The following NUP153 variants were observed in gnomAD, a reference collection of about 807,000 sequenced individuals.
NUP153 encodes nuclear pore complex protein Nup153.
A neutral mutation model predicts 134.6 loss-of-function variants in NUP153; 27 were observed. The observed-to-expected ratio is 0.20, with a 90% CI of 0.15 to 0.28. The LOEUF (loss-of-function observed/expected upper bound fraction) is 0.28. NUP153 is among the 10% of genes least tolerant of loss of function. The pLI, the probability that NUP153 is intolerant of heterozygous loss-of-function variation, is 1.00. For synonymous variants in NUP153, 640 were observed against 623.5 expected, an observed-to-expected ratio of 1.03 and a Z score of -0.40; for missense variants, 1,821 against 1,731.3, an observed-to-expected ratio of 1.05 and a Z score of -0.92.
At chr6:17,700,923 T>C (rs577859597) in intron 1 of NUP153, among the ~76,000 whole-genome samples, 4 of 152,206 alleles carry the variant, frequency 2.6e-5, no homozygotes, top group Non-Finnish European at 4.4e-5. Flanking sequence ...AGAGGTTTCC[T>C]TCCCCTTTTT....
At chr6:17,620,792 C>G (rs1006191296) in intron 20 of NUP153, among the ~76,000 whole-genome samples, 1 of 152,014 alleles carries the variant, frequency 6.6e-6, no homozygotes, top group Non-Finnish European at 1.5e-5. Context: ...AAAGATAGGA[C>G]CCCCCTGGCC....
At chr6:17,636,921 G>A (rs960320142) in intron 16 of NUP153, among the ~76,000 whole-genome samples, 4 of 152,076 alleles carry the variant, frequency 2.6e-5, no homozygotes, top group Non-Finnish European at 4.4e-5. Context: ...TGATAAAACT[G>A]TACAAAAAGA....
chr6:17,622,907 G>A (rs1764718752), intron 20 of NUP153, among the ~76,000 whole-genome samples: 1 of 152,030 alleles, frequency 6.6e-6, no homozygotes, highest in Non-Finnish European at 1.5e-5. Flanking sequence ...GAGGTGGGTG[G>A]ATCATGAGGT....
chr6:17,660,819 T>C (rs1431827481), intron 11 of NUP153, among the ~76,000 whole-genome samples: 2 of 152,102 alleles, frequency 1.3e-5, no homozygotes, highest in Non-Finnish European at 1.5e-5. Flanking sequence ...CCTAGATAAA[T>C]ACTCTAGAGA....
chr6:17,702,569 G>A (rs1052880875), intron 1 of NUP153, among the ~76,000 whole-genome samples: 4 of 151,856 alleles, frequency 2.6e-5, no homozygotes, highest in African/African-American at 4.8e-5. Flanking sequence ...CCAGCTACTC[G>A]GGAGGCTGAG....
intron 1 of NUP153, among the ~76,000 whole-genome samples, chr6:17,689,654 A>T (rs1349267288): frequency 6.6e-6 from 1 of 150,706 alleles, no homozygotes; most frequent in East Asian, 2.0e-4. Flanking sequence ...CTCCTGCCTC[A>T]GCCTCCCAAT....
At chr6:17,674,166 A>C (rs1029375237) in intron 5 of NUP153, among the ~76,000 whole-genome samples, 1 of 152,192 alleles carries the variant, frequency 6.6e-6, no homozygotes, top group African/African-American at 2.4e-5. Context: ...AGAGGGTTGT[A>C]GGAGAAGGGT....
At chr6:17,657,633 A>G (rs1414277603) in intron 11 of NUP153, among the ~76,000 whole-genome samples, 2 of 152,182 alleles carry the variant, frequency 1.3e-5, no homozygotes, top group Non-Finnish European at 2.9e-5. Context: ...GGAAATGAGC[A>G]GTATCTATAC....
At chr6:17,647,415 A>C (rs6927877) in intron 13 of NUP153, among the ~76,000 whole-genome samples, 32,658 of 152,110 alleles carry the variant, frequency 0.21, 4,071 homozygotes, top group Non-Finnish European at 0.28. Flanking sequence ...CAGAAATAAA[A>C]CAGCAATTAA....
Position 17,637,451 on chromosome 6 carries a change from C to A in NUP153, c.2166G>T (p.Val722=). 1 of 1,614,234 alleles carries A rather than the reference C, an allele frequency of 6.2e-7. No individual in the cohort carries two copies. Among genetic ancestry groups the A allele is most frequent in the Non-Finnish European group, 8.5e-7 (1 of 1,180,040 alleles). Residue 722 remains valine, a synonymous_variant, in exon 16 of 22, where the codon GTG becomes GTT. Coordinates refer to ENST00000262077, the MANE Select transcript of NUP153 (RefSeq NM_005124.4). ...GTGFGDKFKP[V]IGTWDCDTCL... is the part of the protein sequence containing the mutation. ...AGGTATCACAATCCCAAGTGCCTAT[C>A]ACTGGTTTAAATTTGTCTCCAAAGC...
At chr6:17,674,110 T>C (rs558137897) in intron 5 of NUP153, among the ~76,000 whole-genome samples, 2 of 152,308 alleles carry the variant, frequency 1.3e-5, no homozygotes, top group Admixed American at 1.3e-4. Context: ...TATGACATTC[T>C]GGAAAGGCCA....
chr6:17,640,740 T>G (rs78074635), intron 14 of NUP153, among the ~76,000 whole-genome samples: 1,877 of 152,138 alleles, frequency 0.012, 40 homozygotes, highest in African/African-American at 0.042. Context: ...CCTTAGCCTC[T>G]CAAGTAGCCA....
chr6:17,669,768 C>T (rs1767783288), intron 5 of NUP153, among the ~76,000 whole-genome samples: 2 of 151,922 alleles, frequency 1.3e-5, no homozygotes, highest in African/African-American at 4.8e-5. Context: ...TTTACAATAA[C>T]AAAAGAATGA....
In NUP153 at chr6:17,675,087, G is replaced by A; in HGVS notation, c.724-54C>T. ...AGCCATATGAACCCAGGAGGTGGAG[G>A]TTGCAGTGAGTTAAGATCATGCTGC... On this transcript the variant is annotated intron_variant, in intron 4 of 21. Coordinates refer to ENST00000262077, the MANE Select transcript of NUP153 (RefSeq NM_005124.4). This position sits in a 1 kb window ranked among gnomAD's most constrained non-coding sequence, Gnocchi z 4.4. 1.3e-6 allele frequency: 2 copies of A among 1,597,316 alleles called. No individual in the cohort carries two copies. Among genetic ancestry groups the A allele is most frequent in the Non-Finnish European group, 1.7e-6 (2 of 1,168,638 alleles).
At position 17,629,120 on chromosome 6, in the gene NUP153, C is replaced by A; in HGVS notation, c.3079G>T (p.Gly1027Cys). 1.9e-6 allele frequency: 3 copies of A among 1,614,032 alleles called. No homozygotes were observed. Among genetic ancestry groups the A allele is most frequent in the Non-Finnish European group, 2.5e-6 (3 of 1,180,006 alleles). The change falls in exon 18 of 22, where the codon GGT (glycine) becomes TGT (cysteine). Residue 1027 changes from glycine (G) to cysteine (C), a missense_variant. Physicochemically the swap from Gly to Cys is radical, Grantham distance 159. Coordinates refer to ENST00000262077, the MANE Select transcript of NUP153 (RefSeq NM_005124.4). ...GGAGCAGGGGTGGAGTTAATAACACCTGTACCAAAGCTAAAACCTGCAGAG... is the reference window on the plus strand; with the variant it reads ...GGAGCAGGGGTGGAGTTAATAACACATGTACCAAAGCTAAAACCTGCAGAG... ...SSSAGFSFGT[G>C]VINSTPAPAN...
intron 9 of NUP153, among the ~76,000 whole-genome samples, chr6:17,663,416 A>AC (rs1767329449): frequency 6.6e-6 from 1 of 151,944 alleles, no homozygotes; most frequent in Non-Finnish European, 1.5e-5. Flanking sequence ...GACACGCACC[A>AC]CCACATCTGG....
At chr6:17,626,655 A>G (rs1764963993) in intron 18 of NUP153, among the ~76,000 whole-genome samples, 1 of 152,208 alleles carries the variant, frequency 6.6e-6, no homozygotes, top group African/African-American at 2.4e-5. Flanking sequence ...CCTAAAATGC[A>G]TATACTTGTT....
At chr6:17,700,237 C>CAT (rs140431622) in intron 1 of NUP153, among the ~76,000 whole-genome samples, 9,278 of 152,150 alleles carry the variant, frequency 0.061, 386 homozygotes, top group Non-Finnish European at 0.084. Context: ...ATTTCAATTG[C>CAT]ATATATATAA....
intron 8 of NUP153, among the ~76,000 whole-genome samples, chr6:17,668,219 G>A (rs1041394927): frequency 6.6e-6 from 1 of 151,680 alleles, no homozygotes; most frequent in African/African-American, 2.4e-5. Context: ...GAGATTACAG[G>A]TGCGCACCGC....
Sources: gnomAD v4.1 joint callset for allele counts (sites outside exome capture counted in the v4.1 genomes callset) on GRCh38, gnomAD v4.1.1 for gene constraint, Gnocchi (gnomAD v3.1) non-coding constraint, MANE v1.5 for transcripts, NCBI Gene and HGNC (gene_info 2026-07-23, HGNC 2026-07-21) for gene names.